Variants in LDHC observed in about 807,000 individuals in gnomAD.
The protein encoded by LDHC is lactate dehydrogenase C.
A neutral mutation model predicts 30.2 loss-of-function variants in LDHC; 20 were observed. The observed-to-expected ratio is 0.66, with a 90% CI of 0.47 to 0.96. LDHC has a LOEUF of 0.96. Among genes scored for constraint, LDHC ranks in the 40% least tolerant of loss-of-function variants. The pLI, the probability that LDHC is intolerant of heterozygous loss-of-function variation, is 0.00. For missense variants in LDHC, 362 were observed against 394.9 expected (o/e 0.92, Z 0.71); for synonymous variants, 139 against 132.7 (o/e 1.05, Z -0.32).
At chr11:18,430,014 C>A (rs1848236701) in intron 4 of LDHC, 104 bp downstream of exon 4, 1 of 701,470 alleles carries the variant, frequency 1.4e-6, no homozygotes. Flanking sequence ...CAATAAATTG[C>A]ACTCGTTTAA....
chr11:18,435,728 ATCTTTTC>A (rs1247481671), intron 5 of LDHC, among the ~76,000 whole-genome samples: 1 of 152,184 alleles, frequency 6.6e-6, no homozygotes, highest in Non-Finnish European at 1.5e-5. Context: ...TAAATACAGA[ATCTTTTC>A]ATCAGCCCAA....
At chr11:18,422,075 G>T (rs1848071780) in intron 3 of LDHC, among the ~76,000 whole-genome samples, 2 of 151,886 alleles carry the variant, frequency 1.3e-5, no homozygotes, top group Admixed American at 1.3e-4. Context: ...AGTGAGCCAA[G>T]ATCACTGCCA....
chr11:18,417,180 G>T (rs1046030024), intron 3 of LDHC, among the ~76,000 whole-genome samples: 1 of 151,960 alleles, frequency 6.6e-6, no homozygotes, highest in African/African-American at 2.4e-5. Context: ...CACCGCACCC[G>T]GCCTGGAGTG....
intron 2 of LDHC, among the ~76,000 whole-genome samples, chr11:18,414,657 G>A (rs11024648): frequency 5.8e-4 from 88 of 152,022 alleles, no homozygotes; most frequent in African/African-American, 2.0e-3. Context: ...GTGAAACCCC[G>A]TCTGTACTAA....
intron 6 of LDHC, among the ~76,000 whole-genome samples, chr11:18,444,538 A>G (rs1043363844): frequency 6.8e-6 from 1 of 145,996 alleles, no homozygotes; most frequent in Non-Finnish European, 1.5e-5. Context: ...CTGATTTTGG[A>G]CTGATAGTCA....
At chr11:18,436,344 A>C (rs945774750) in intron 5 of LDHC, among the ~76,000 whole-genome samples, 1 of 151,860 alleles carries the variant, frequency 6.6e-6, no homozygotes, top group Non-Finnish European at 1.5e-5. Context: ...TCTGTTTTCC[A>C]TTGGATCTAC....
At chr11:18,424,132 C>A (rs1046483552) in intron 3 of LDHC, among the ~76,000 whole-genome samples, 1 of 151,764 alleles carries the variant, frequency 6.6e-6, no homozygotes, top group Non-Finnish European at 1.5e-5. Flanking sequence ...CGCCTGTAAT[C>A]CAGCACTTTG....
Position 18,424,363 on chromosome 11 carries a change from T to C in LDHC, c.245-5374T>C, listed in dbSNP as rs185662054. Among the ~76,000 whole-genome samples the C allele has an allele frequency of 6.9e-4, 104 of 151,334 alleles. 1 individual carries two copies. The highest frequency in any genetic ancestry group is 6.0e-3 in the Admixed American group (91 of 15,130). Reference sequence around the variant, plus strand: ...CGCCACTGCACTCCAGCCTGGGCCATGGAATGAAACTCTGTCTCAAAAAAA... The same window carrying C: ...CGCCACTGCACTCCAGCCTGGGCCACGGAATGAAACTCTGTCTCAAAAAAA... On this transcript the variant is annotated intron_variant, in intron 3 of 7. Transcript: ENST00000541669.
At chr11:18,446,369 C>T (rs1160845428) in intron 7 of LDHC, 36 bp downstream of exon 7, 1 of 1,474,132 alleles carries the variant, frequency 6.8e-7, no homozygotes, top group East Asian at 2.3e-5. Flanking sequence ...ATCATTCTTT[C>T]CTTTAATATT....
Position 18,434,831 on chromosome 11 carries a change from C to T in LDHC, c.510C>T (p.Phe170=). Residue 170 remains phenylalanine, a synonymous_variant, in exon 5 of 8, where the codon TTC becomes TTT. Transcript: ENST00000541669. ...GTTGTAATCTAGACTCTGCCCGTTTCCGTTACCTAATTGGAGAAAAGTTGG... is the reference window on the plus strand; with the variant it reads ...GTTGTAATCTAGACTCTGCCCGTTTTCGTTACCTAATTGGAGAAAAGTTGG... ...GSGCNLDSAR[F]RYLIGEKLGV... is the part of the protein sequence containing the mutation. 6.2e-7 allele frequency: 1 copy of T among 1,612,562 alleles called. No individual in the cohort carries two copies. Among genetic ancestry groups the T allele is most frequent in the Non-Finnish European group, 8.5e-7 (1 of 1,178,618 alleles).
intron 3 of LDHC, among the ~76,000 whole-genome samples, chr11:18,428,756 TC>T (rs1488915197): frequency 6.6e-6 from 1 of 151,852 alleles, no homozygotes; most frequent in African/African-American, 2.4e-5. Flanking sequence ...ATGCCTGTAG[TC>T]CCAGCTACTC....
At chr11:18,449,115 G>A (rs1365999626) in intron 7 of LDHC, among the ~76,000 whole-genome samples, 1 of 151,984 alleles carries the variant, frequency 6.6e-6, no homozygotes, top group East Asian at 1.9e-4. Flanking sequence ...GAAGCAGAGG[G>A]ACTTCTTCCC....
intron 6 of LDHC, among the ~76,000 whole-genome samples, chr11:18,442,660 CTT>C (rs34884188): frequency 1.0e-3 from 118 of 112,602 alleles, no homozygotes; most frequent in African/African-American, 3.4e-3. Context: ...TTCTCTCTCT[CTT>C]TTTTTTTTTT....
chr11:18,412,998 CCTTCCTTCCTTT>C (rs1294116961), intron 2 of LDHC, among the ~76,000 whole-genome samples, 155 bp downstream of exon 2: 10 of 130,174 alleles, frequency 7.7e-5, no homozygotes, highest in African/African-American at 2.8e-4. Flanking sequence ...TTCCTTCCTT[CCTTCCTTCCTTT>C]TTCTTTCTCT....
At chr11:18,423,681 A>T (rs933114205) in intron 3 of LDHC, among the ~76,000 whole-genome samples, 1 of 152,180 alleles carries the variant, frequency 6.6e-6, no homozygotes, top group African/African-American at 2.4e-5. Context: ...ACACAAAGAC[A>T]CAAAAAGCAT....
chr11:18,430,922 G>A (rs1848254878), intron 4 of LDHC, among the ~76,000 whole-genome samples: 2 of 152,026 alleles, frequency 1.3e-5, no homozygotes, highest in Admixed American at 1.3e-4. Flanking sequence ...CTAGCACTTT[G>A]GGAGGCTGAG....
At chr11:18,413,081 T>A (rs1283423768) in intron 2 of LDHC, among the ~76,000 whole-genome samples, 1 of 151,442 alleles carries the variant, frequency 6.6e-6, no homozygotes, top group Non-Finnish European at 1.5e-5. Context: ...TTTCTGACTT[T>A]CCTTTTCTTT....
intron 7 of LDHC, among the ~76,000 whole-genome samples, chr11:18,449,759 G>A (rs1848622746): frequency 6.6e-6 from 1 of 152,170 alleles, no homozygotes; most frequent in South Asian, 2.1e-4. Context: ...ACAGGAACAA[G>A]GGGCACACCT....
chr11:18,429,594 T>A, intron 3 of LDHC, 143 bp from the exon 4 acceptor site: 1 of 458,730 alleles, frequency 2.2e-6, no homozygotes, highest in Non-Finnish European at 3.8e-6. Flanking sequence ...GTTAGAAAAG[T>A]CCGTTCATCT....
Sources: allele counts gnomAD v4.1 joint callset (sites outside exome capture counted in the v4.1 genomes callset), GRCh38; gene constraint gnomAD v4.1.1; transcripts MANE v1.5; gene names NCBI Gene and HGNC (gene_info 2026-07-23, HGNC 2026-07-21).